TMEM106B: variants seen among roughly 807,000 people sequenced by gnomAD.
The protein encoded by TMEM106B is transmembrane protein 106B.
A neutral mutation model predicts 31.1 loss-of-function variants in TMEM106B; 15 were observed. That is an observed-to-expected ratio of 0.48 (90% CI 0.32 to 0.74). The LOEUF (loss-of-function observed/expected upper bound fraction) is 0.74, where lower values mean the gene tolerates loss of function less well. Among genes scored for constraint, TMEM106B ranks in the 30% least tolerant of loss-of-function variants. The pLI, the probability that TMEM106B is intolerant of heterozygous loss-of-function variation, is 0.03. For missense variants in TMEM106B, 283 were observed against 327.3 expected, an observed-to-expected ratio of 0.86 and a Z score of 1.04; for synonymous variants, 126 against 112.5, an observed-to-expected ratio of 1.12 and a Z score of -0.76.
At chr7:12,218,253 T>G (rs1781725584) in intron 2 of TMEM106B, among the ~76,000 whole-genome samples, 1 of 151,866 alleles carries the variant, frequency 6.6e-6, no homozygotes, top group African/African-American at 2.4e-5. Flanking sequence ...TTTTTTTTTT[T>G]TTTTAGCTAG....
chr7:12,225,031 C>T lies in TMEM106B; in HGVS notation c.441+646C>T, dbSNP rs540016338. Reference sequence around the variant, plus strand: ...ATCCCTCCCCCATCCCTCCACCTCACGACAGGCCTCGGTGTGTGATGTTCC... The same window carrying T: ...ATCCCTCCCCCATCCCTCCACCTCATGACAGGCCTCGGTGTGTGATGTTCC... On this transcript the variant is annotated intron_variant, in intron 4 of 7. Coordinates refer to ENST00000396668, the MANE Select transcript of TMEM106B (RefSeq NM_001134232.2). Among the ~76,000 whole-genome samples, 147 of 152,182 alleles carry T rather than the reference C, an allele frequency of 9.7e-4. 2 individuals are homozygous for T. The highest frequency in any genetic ancestry group is 3.3e-3 in the African/African-American group (135 of 41,528).
intron 3 of TMEM106B, among the ~76,000 whole-genome samples, chr7:12,223,126 A>C (rs1781820131): frequency 1.3e-5 from 2 of 152,218 alleles, no homozygotes; most frequent in African/African-American, 4.8e-5. Context: ...GTTAACCTTG[A>C]AAAGAGGAAG....
rs771280485 is a variant in TMEM106B at position 12,235,126 on chromosome 7, T to G, written c.*3151T>G. ...TTTGGTAGCATTGTTTTCTAAAATA[T>G]TTTAAATGGAGAATGAACACTTATA... On this transcript the variant is annotated 3_prime_UTR_variant, in exon 8 of 8. Transcript: ENST00000396668. 7 of 152,368 alleles carry G rather than the reference T, an allele frequency of 4.6e-5. No homozygotes were observed. The highest frequency in any genetic ancestry group is 1.0e-4 in the Non-Finnish European group (7 of 67,854). The allele number at this position is 152,368 out of a possible 1,614,324, so 9.4% of individuals were successfully genotyped here. A position where few individuals can be genotyped will look rare whatever the true frequency, so the allele number is the denominator to read the frequency against.
In TMEM106B at chr7:12,229,770, A is replaced by G. The variant is rs1781978245; in HGVS notation, c.533A>G (p.Lys178Arg). The change falls in exon 5 of 8, where the codon AAG becomes AGG. Residue 178 changes from lysine to arginine, a missense_variant. This residue lies in a region of TMEM106B where 201 missense variants were observed against 211.5 expected (regional missense o/e 0.95). Coordinates refer to ENST00000396668, the MANE Select transcript of TMEM106B (RefSeq NM_001134232.2). ...QVQFSKTVIG[K>R]ARLNNITIIG... The stretch of plus-strand genomic sequence containing the variant: ...CAATTTTCAAAAACAGTTATTGGAA[A>G]GGCACGCTTAAACAACATAACCATT... 6.2e-7 allele frequency: 1 copy of G among 1,612,942 alleles called. No homozygotes were observed. The highest frequency in any genetic ancestry group is 2.2e-5 in the East Asian group (1 of 44,830).
intron 3 of TMEM106B, among the ~76,000 whole-genome samples, chr7:12,220,661 C>T (rs1372833854): frequency 6.6e-6 from 1 of 152,142 alleles, no homozygotes; most frequent in Non-Finnish European, 1.5e-5. Flanking sequence ...TATATTCATT[C>T]CTTGCTAGTG....
chr7:12,217,902 G>A (rs1001435223), intron 2 of TMEM106B, among the ~76,000 whole-genome samples: 2 of 152,062 alleles, frequency 1.3e-5, no homozygotes, highest in Non-Finnish European at 2.9e-5. Context: ...AAGAAATCAC[G>A]GATTTTGAAG....
rs1272891139 is a variant in TMEM106B, at chr7:12,238,623, A to C, written c.*6648A>C. 1 of 152,176 alleles carries C rather than the reference A, an allele frequency of 6.6e-6. No homozygotes were observed. The highest frequency in any genetic ancestry group is 1.5e-5 in the Non-Finnish European group (1 of 68,044). 9.4% of individuals were successfully genotyped at this position (152,176 alleles called of 1,614,324 possible). ...CTTATATAGTAAGATTCAAAAGTCA[A>C]ATTTACTCCCTGATCCATGGCTGCA... On this transcript the variant is annotated 3_prime_UTR_variant, in exon 8 of 8. Coordinates refer to ENST00000396668, the MANE Select transcript of TMEM106B (RefSeq NM_001134232.2).
chr7:12,217,330 A>G (rs1025680397), intron 2 of TMEM106B, among the ~76,000 whole-genome samples: 5 of 152,188 alleles, frequency 3.3e-5, no homozygotes, highest in African/African-American at 1.2e-4. Context: ...TCCATTTATC[A>G]CATAATGAAC....
chr7:12,212,785 G>A (rs538298223), intron 1 of TMEM106B, among the ~76,000 whole-genome samples: 1 of 152,084 alleles, frequency 6.6e-6, no homozygotes, highest in African/African-American at 2.4e-5. Context: ...GTTCTAGAAA[G>A]TAAAATTTTC....
At chr7:12,230,907 G>GAATA in intron 6 of TMEM106B, 155 bp from the exon 7 acceptor site, 1 of 521,792 alleles carries the variant, frequency 1.9e-6, no homozygotes, top group Non-Finnish European at 3.3e-6. Context: ...AAGAAGTCAT[G>GAATA]AATATATCAG....
In TMEM106B at chr7:12,229,741, A is replaced by C. The variant is rs1162418602; in HGVS notation, c.504A>C (p.Gln168His). 5.6e-6 allele frequency: 9 copies of C among 1,613,396 alleles called. No individual in the cohort carries two copies. In the South Asian group the frequency reaches 9.9e-5, roughly 18 times the overall value. Residue 168 changes from glutamine (Q) to histidine (H), a missense_variant, in exon 5 of 8, where the codon CAA becomes CAC. By Grantham distance (24) the Gln-to-His change is conservative. Around this residue, in one of 3 missense-constraint regions of TMEM106B, gnomAD observed 201 missense variants for 211.5 expected, o/e 0.95. Transcript: ENST00000396668. Reference sequence around the variant, plus strand: ...TCGAAGTTGAAAACATCACTGCCCAAGTTCAATTTTCAAAAACAGTTATTG... The same window carrying C: ...TCGAAGTTGAAAACATCACTGCCCACGTTCAATTTTCAAAAACAGTTATTG... ...YSVEVENITA[Q>H]VQFSKTVIGK...
chr7:12,220,669 G>A (rs569294530), intron 3 of TMEM106B, among the ~76,000 whole-genome samples: 39 of 152,286 alleles, frequency 2.6e-4, no homozygotes, highest in Admixed American at 2.1e-3. Flanking sequence ...TTCCTTGCTA[G>A]TGAATGAAAA....
chr7:12,237,455 G>T lies in TMEM106B; in HGVS notation c.*5480G>T, dbSNP rs10488192. Reference sequence around the variant, plus strand: ...GCTTTATCCATTCTACCTCTGTAATGTCTCTGGAATTTATCTCATACGTGA... The same window carrying T: ...GCTTTATCCATTCTACCTCTGTAATTTCTCTGGAATTTATCTCATACGTGA... On this transcript the variant is annotated 3_prime_UTR_variant, in exon 8 of 8. Coordinates refer to ENST00000396668, the MANE Select transcript of TMEM106B (RefSeq NM_001134232.2). 1 of 151,646 alleles carries T rather than the reference G, an allele frequency of 6.6e-6. No individual in the cohort carries two copies. The highest frequency in any genetic ancestry group is 1.9e-4 in the East Asian group (1 of 5,170). The allele number at this position is 151,646 out of a possible 1,614,324, so 9.4% of individuals were successfully genotyped here.
rs1782100945 is a variant in TMEM106B, at chr7:12,234,975, C to A, written c.*3000C>A. The A allele has an allele frequency of 6.6e-6, 1 of 151,788 alleles. No homozygotes were observed. The highest frequency in any genetic ancestry group is 6.6e-5 in the Admixed American group (1 of 15,188). The allele number at this position is 151,788 out of a possible 1,614,324, so 9.4% of individuals were successfully genotyped here. The stretch of plus-strand genomic sequence containing the variant: ...GAGCAAGATCAAGTATCTCTGTCTC[C>A]CATATCTGTGTTCTATCATTTAAAA... On this transcript the variant is annotated 3_prime_UTR_variant, in exon 8 of 8. Coordinates refer to ENST00000396668, the MANE Select transcript of TMEM106B (RefSeq NM_001134232.2).
intron 6 of TMEM106B, chr7:12,230,768 A>G: frequency 3.1e-6 from 1 of 326,210 alleles, no homozygotes; most frequent in Non-Finnish European, 5.5e-6. Context: ...GTAGATACAG[A>G]CTTTTAGGGT....
intron 3 of TMEM106B, among the ~76,000 whole-genome samples, chr7:12,220,534 A>G (rs887765700): frequency 3.9e-5 from 6 of 152,222 alleles, no homozygotes; most frequent in African/African-American, 1.4e-4. Flanking sequence ...AAGATGTCCA[A>G]TCTTGCTCAT....
chr7:12,230,620 C>T (rs1035250915), intron 6 of TMEM106B, 182 bp downstream of exon 6: 6 of 439,920 alleles, frequency 1.4e-5, no homozygotes, highest in Non-Finnish European at 2.4e-5. Flanking sequence ...TGTATATATA[C>T]ACATAAAATT....
rs1240685270 is a variant in TMEM106B, at chr7:12,235,752, T to G, written c.*3777T>G. 1.3e-5 allele frequency: 2 copies of G among 151,794 alleles called. No homozygotes were observed. Among genetic ancestry groups the G allele is most frequent in the Non-Finnish European group, 2.9e-5 (2 of 67,808 alleles). The allele number at this position is 151,794 out of a possible 1,614,324, so 9.4% of individuals were successfully genotyped here. ...TTATTTAAGAAAATAGTTTGTTAGG[T>G]ACTTTTTAAAAGATGTAAATTTTTA... On this transcript the variant is annotated 3_prime_UTR_variant, in exon 8 of 8. Coordinates refer to ENST00000396668, the MANE Select transcript of TMEM106B (RefSeq NM_001134232.2).
chr7:12,230,482 G>T (rs770474045), intron 6 of TMEM106B, 44 bp downstream of exon 6: 10 of 1,288,668 alleles, frequency 7.8e-6, no homozygotes, highest in African/African-American at 1.5e-5. Context: ...AAATAATGAA[G>T]TGTATAAAAT....
Sources: gnomAD v4.1 joint callset for allele counts (sites outside exome capture counted in the v4.1 genomes callset) on GRCh38, gnomAD v4.1.1 for gene constraint, gnomAD v4.1.1 regional missense constraint, MANE v1.5 for transcripts, NCBI Gene and HGNC (gene_info 2026-07-23, HGNC 2026-07-21) for gene names.